TTC17: variants seen among roughly 807,000 people sequenced by gnomAD.
TTC17 encodes the protein tetratricopeptide repeat protein 17.
Under a neutral mutation model 143.8 loss-of-function variants are expected in TTC17, and 58 were observed. The ratio of observed to expected loss-of-function variants is 0.40; its 90% CI spans 0.33 to 0.50. The LOEUF is 0.50. Among genes scored for constraint, TTC17 ranks in the 20% least tolerant of loss-of-function variants. The pLI, the probability that TTC17 is intolerant of heterozygous loss-of-function variation, is 0.49. For missense variants in TTC17, 1,273 were observed against 1,392.5 expected (o/e 0.91, Z 1.37); for synonymous variants, 501 against 497.8 (o/e 1.01, Z -0.09).
chr11:43,368,969 C>T (rs2134446593), intron 1 of TTC17, among the ~76,000 whole-genome samples: 1 of 152,328 alleles, frequency 6.6e-6, no homozygotes, highest in South Asian at 2.1e-4. Context: ...GTCCTTGCTT[C>T]TTCCTCTGCA....
At chr11:43,450,933 C>G (rs1200249594) in intron 20 of TTC17, among the ~76,000 whole-genome samples, 1 of 152,092 alleles carries the variant, frequency 6.6e-6, no homozygotes, top group Non-Finnish European at 1.5e-5. Context: ...TTCATTTACT[C>G]TGTGTTCTAG....
chr11:43,377,673 C>G (rs1225858067), intron 1 of TTC17, among the ~76,000 whole-genome samples: 1 of 152,116 alleles, frequency 6.6e-6, no homozygotes, highest in African/African-American at 2.4e-5. Flanking sequence ...CTTTGCTGAA[C>G]TAAAAGCTTC....
intron 22 of TTC17, chr11:43,491,190 A>T (rs998103298): frequency 2.0e-5 from 3 of 152,222 alleles, no homozygotes; most frequent in Non-Finnish European, 4.4e-5. Flanking sequence ...AGAGTCATGC[A>T]TTCTATGGCT....
chr11:43,397,948 G>GTA (rs1565144790), intron 7 of TTC17, 26 bp from the exon 8 acceptor site: 6 of 1,478,404 alleles, frequency 4.1e-6, no homozygotes, highest in Admixed American at 1.9e-5. Context: ...GTGTGTGTGT[G>GTA]TGTATGTTTG....
intron 21 of TTC17, among the ~76,000 whole-genome samples, chr11:43,473,979 C>T (rs1948139092): frequency 6.6e-6 from 1 of 152,160 alleles, no homozygotes; most frequent in Admixed American, 6.5e-5. Flanking sequence ...ACCCTTTTAG[C>T]CAGCAATTCT....
rs143287633 is a variant in TTC17 at position 43,426,876 on chromosome 11, C to G, written c.2251+12100C>G. Among the ~76,000 whole-genome samples the G allele has an allele frequency of 2.0e-3, 312 of 152,254 alleles. 1 individual carries two copies. In the Middle Eastern group the frequency reaches 0.031, roughly 15 times the overall value. ...GGGAAAAAGACAAGCCTGATAAGCC[C>G]AAAAAGTGCTGGGCATAATTAAGGA... On this transcript the variant is annotated intron_variant, in intron 16 of 23. Transcript: ENST00000039989.
chr11:43,474,071 C>T (rs1948140703), intron 21 of TTC17, among the ~76,000 whole-genome samples: 1 of 152,078 alleles, frequency 6.6e-6, no homozygotes, highest in Non-Finnish European at 1.5e-5. Flanking sequence ...TTATTGTAAC[C>T]TGATTTGTAG....
chr11:43,450,935 G>A (rs1473943519), intron 20 of TTC17, among the ~76,000 whole-genome samples: 1 of 152,080 alleles, frequency 6.6e-6, no homozygotes, highest in Admixed American at 6.5e-5. Context: ...CATTTACTCT[G>A]TGTTCTAGTG....
At chr11:43,359,331 A>T in intron 1 of TTC17, 1 of 542,754 alleles carries the variant, frequency 1.8e-6, no homozygotes, top group African/African-American at 2.0e-5. Context: ...AGAAGTTCTC[A>T]CCCTTCCACC....
chr11:43,456,208 A>ACACACC (rs1210600431), intron 21 of TTC17, among the ~76,000 whole-genome samples: 1 of 149,622 alleles, frequency 6.7e-6, no homozygotes, highest in Non-Finnish European at 1.5e-5. Flanking sequence ...ACACACACAC[A>ACACACC]CACACCACTT....
intron 21 of TTC17, among the ~76,000 whole-genome samples, chr11:43,463,775 T>A (rs1207339169): frequency 6.6e-6 from 1 of 151,930 alleles, no homozygotes; most frequent in Non-Finnish European, 1.5e-5. Context: ...AAAAGAACAG[T>A]GGGAGAAGAG....
At chr11:43,491,746 C>G in intron 22 of TTC17, 1 of 400,022 alleles carries the variant, frequency 2.5e-6, no homozygotes, top group Non-Finnish European at 4.6e-6. Flanking sequence ...AAGAAACCAA[C>G]TACATTATTC....
intron 16 of TTC17, among the ~76,000 whole-genome samples, chr11:43,420,708 A>G (rs1946881741): frequency 6.6e-6 from 1 of 152,202 alleles, no homozygotes. Flanking sequence ...CAATGGTTTT[A>G]TACTTCAGCC....
At chr11:43,457,632 A>G (rs940650328) in intron 21 of TTC17, among the ~76,000 whole-genome samples, 2 of 152,190 alleles carry the variant, frequency 1.3e-5, no homozygotes, top group Non-Finnish European at 2.9e-5. Context: ...AGAACTAAAA[A>G]CTACTTTAAA....
At chr11:43,419,847 C>A (rs757397752) in intron 16 of TTC17, among the ~76,000 whole-genome samples, 1 of 152,136 alleles carries the variant, frequency 6.6e-6, no homozygotes, top group African/African-American at 2.4e-5. Context: ...TGTACCACTG[C>A]ACCTGACTCT....
chr11:43,397,642 A>C, intron 7 of TTC17, 151 bp downstream of exon 7: 1 of 938,642 alleles, frequency 1.1e-6, no homozygotes, highest in Non-Finnish European at 1.6e-6. Flanking sequence ...AATCCTCAAC[A>C]CAGTAATGTA....
At chr11:43,483,155 C>T (rs942909358) in intron 21 of TTC17, among the ~76,000 whole-genome samples, 4 of 149,574 alleles carry the variant, frequency 2.7e-5, no homozygotes, top group African/African-American at 9.8e-5. Flanking sequence ...CCTGAAGAAT[C>T]TCATAATTCT....
At chr11:43,447,448 G>T (rs1470825288) in intron 18 of TTC17, 1 of 152,476 alleles carries the variant, frequency 6.6e-6, no homozygotes, top group East Asian at 1.9e-4. Flanking sequence ...TCTCTACTGG[G>T]TGTGGACATT....
chr11:43,489,033 A>G (rs1948426718), intron 21 of TTC17, among the ~76,000 whole-genome samples: 1 of 152,156 alleles, frequency 6.6e-6, no homozygotes. Flanking sequence ...ACTACAACTG[A>G]AAATCCAGAA....
Sources: allele counts gnomAD v4.1 joint callset (sites outside exome capture counted in the v4.1 genomes callset), GRCh38; gene constraint gnomAD v4.1.1; transcripts MANE v1.5; gene names NCBI Gene and HGNC (gene_info 2026-07-23, HGNC 2026-07-21).